Variants in UBE2E2 observed in about 807,000 individuals in gnomAD.
UBE2E2 encodes ubiquitin conjugating enzyme E2 E2.
A neutral mutation model predicts 24.7 loss-of-function variants in UBE2E2; 6 were observed. The ratio of observed to expected loss-of-function variants is 0.24; its 90% confidence interval spans 0.13 to 0.48. The LOEUF (loss-of-function observed/expected upper bound fraction) is 0.48, where lower values mean the gene tolerates loss of function less well. UBE2E2 is among the 20% of genes least tolerant of loss of function. The pLI is 0.99. For synonymous variants in UBE2E2, 104 were observed against 83.6 expected (o/e 1.24, Z -1.33); for missense variants, 169 against 245.0 (o/e 0.69, Z 2.07).
chr3:23,581,801 C>G (rs1412417277), intron 5 of UBE2E2, among the ~76,000 whole-genome samples: 4 of 152,188 alleles, frequency 2.6e-5, no homozygotes, highest in Non-Finnish European at 5.9e-5. Context: ...ATAGAATGTT[C>G]TTTGGTCTTG....
intron 3 of UBE2E2, among the ~76,000 whole-genome samples, chr3:23,385,144 T>C (rs1265176425): frequency 6.6e-6 from 1 of 152,198 alleles, no homozygotes; most frequent in African/African-American, 2.4e-5. Flanking sequence ...AAAGAAATAA[T>C]TTAATACTTT....
At chr3:23,372,174 G>A (rs954754359) in intron 3 of UBE2E2, among the ~76,000 whole-genome samples, 1 of 152,090 alleles carries the variant, frequency 6.6e-6, no homozygotes, top group African/African-American at 2.4e-5. Context: ...AAAACTTAAT[G>A]TTTATACATT....
chr3:23,550,782 G>C (rs1379242372), intron 5 of UBE2E2, among the ~76,000 whole-genome samples: 1 of 152,186 alleles, frequency 6.6e-6, no homozygotes, highest in Non-Finnish European at 1.5e-5. Context: ...ACCAAAGAGA[G>C]AGGCCAGCAG....
At chr3:23,381,879 C>G (rs571121252) in intron 3 of UBE2E2, among the ~76,000 whole-genome samples, 2 of 152,172 alleles carry the variant, frequency 1.3e-5, no homozygotes, top group East Asian at 1.9e-4. Flanking sequence ...TGCTTTGCCC[C>G]GGAGAGTGGA....
At chr3:23,493,627 C>G (rs1170608376) in intron 3 of UBE2E2, among the ~76,000 whole-genome samples, 1 of 152,092 alleles carries the variant, frequency 6.6e-6, no homozygotes, top group Non-Finnish European at 1.5e-5. Context: ...TAACCTAATA[C>G]CTGAAAATCC....
At chr3:23,457,013 T>C (rs147275924) in intron 3 of UBE2E2, among the ~76,000 whole-genome samples, 1 of 152,218 alleles carries the variant, frequency 6.6e-6, no homozygotes, top group Non-Finnish European at 1.5e-5. Flanking sequence ...AAGGAGATTT[T>C]ATTACTTGTA....
chr3:23,272,170 C>T (rs555742511), intron 3 of UBE2E2, among the ~76,000 whole-genome samples: 4 of 152,134 alleles, frequency 2.6e-5, no homozygotes, highest in Admixed American at 6.5e-5. Context: ...CCCTGCCCCG[C>T]GGGGAGGTGG....
At chr3:23,349,919 G>A (rs1042058775) in intron 3 of UBE2E2, among the ~76,000 whole-genome samples, 53 of 152,226 alleles carry the variant, frequency 3.5e-4, no homozygotes, top group Admixed American at 2.0e-4. Flanking sequence ...CTGAGAACGG[G>A]CAGACTGCCT....
At chr3:23,245,424 A>T (rs1697369507) in intron 3 of UBE2E2, among the ~76,000 whole-genome samples, 2 of 152,154 alleles carry the variant, frequency 1.3e-5, no homozygotes, top group South Asian at 4.1e-4. Flanking sequence ...ACAAAGCCAA[A>T]ATTCAAATCC....
At chr3:23,415,588 GT>G (rs1387236213) in intron 3 of UBE2E2, among the ~76,000 whole-genome samples, 2 of 152,118 alleles carry the variant, frequency 1.3e-5, no homozygotes, top group Non-Finnish European at 2.9e-5. Flanking sequence ...GGAGAAAAAT[GT>G]TTGAAATCAG....
intron 4 of UBE2E2, among the ~76,000 whole-genome samples, chr3:23,508,753 G>A (rs1694516171): frequency 6.6e-6 from 1 of 152,222 alleles, no homozygotes; most frequent in African/African-American, 2.4e-5. Flanking sequence ...ATGGAAGTTT[G>A]TGTTGGTTGA....
At chr3:23,296,429 AC>A (rs1472494919) in intron 3 of UBE2E2, among the ~76,000 whole-genome samples, 1 of 151,976 alleles carries the variant, frequency 6.6e-6, no homozygotes, top group African/African-American at 2.4e-5. Context: ...CTCGTCATTT[AC>A]CATTAGGTAT....
chr3:23,283,627 C>T (rs1698534748), intron 3 of UBE2E2, among the ~76,000 whole-genome samples: 1 of 152,100 alleles, frequency 6.6e-6, no homozygotes, highest in Admixed American at 6.6e-5. Context: ...ATGTGTGCCA[C>T]CACACTCAGC....
chr3:23,281,180 T>C (rs935419605), intron 3 of UBE2E2, among the ~76,000 whole-genome samples: 1 of 151,986 alleles, frequency 6.6e-6, no homozygotes, highest in East Asian at 1.9e-4. Context: ...GAGACAAATA[T>C]TCAGTCAATA....
intron 5 of UBE2E2, among the ~76,000 whole-genome samples, chr3:23,576,798 TG>T (rs1209501763): frequency 6.6e-6 from 1 of 152,172 alleles, no homozygotes; most frequent in African/African-American, 2.4e-5. Flanking sequence ...AATAAATATT[TG>T]TTGAATGAGT....
At chr3:23,347,862 A>C (rs1251406259) in intron 3 of UBE2E2, among the ~76,000 whole-genome samples, 1 of 152,180 alleles carries the variant, frequency 6.6e-6, no homozygotes. Context: ...AAAGAAAAGA[A>C]AAGAAAATAT....
chr3:23,301,718 T>C (rs1699098265), intron 3 of UBE2E2, among the ~76,000 whole-genome samples: 2 of 152,148 alleles, frequency 1.3e-5, no homozygotes, highest in Admixed American at 6.5e-5. Flanking sequence ...CCAGGTAGGC[T>C]ACTTGGGGGT....
At chr3:23,315,342 A>G (rs1694544139) in intron 3 of UBE2E2, among the ~76,000 whole-genome samples, 2 of 147,438 alleles carry the variant, frequency 1.4e-5, no homozygotes, top group East Asian at 2.0e-4. Context: ...CTGACTGAAA[A>G]TTTTCAAATA....
chr3:23,263,592 G>A (rs187662789), intron 3 of UBE2E2, among the ~76,000 whole-genome samples: 1 of 152,284 alleles, frequency 6.6e-6, no homozygotes, highest in East Asian at 1.9e-4. Context: ...TATAGTGGAT[G>A]AGGGCCTTTC....
Sources: gnomAD v4.1 joint callset for allele counts (sites outside exome capture counted in the v4.1 genomes callset) on GRCh38, gnomAD v4.1.1 for gene constraint, MANE v1.5 for transcripts, NCBI Gene and HGNC (gene_info 2026-07-23, HGNC 2026-07-21) for gene names.